Variants in RSPH10B2 observed in about 807,000 individuals in gnomAD.
RSPH10B2 encodes radial spoke head 10 homolog B2.
RSPH10B2 carries 9 observed loss-of-function variants against 49.0 expected under a neutral mutation model. That is an observed-to-expected ratio of 0.18 (90% CI 0.11 to 0.32). The LOEUF is 0.32. Ranked by LOEUF, RSPH10B2 falls within the 10% of genes least tolerant of loss-of-function variation. RSPH10B2 has a pLI of 1.00. For synonymous variants in RSPH10B2, 35 were observed against 210.2 expected, an observed-to-expected ratio of 0.17 and a Z score of 7.21; for missense variants, 95 against 589.9, an observed-to-expected ratio of 0.16 and a Z score of 8.69.
rs558825630 is a variant in RSPH10B2 at position 6,796,370 on chromosome 7, C to G, written c.2234-198C>G. Among the ~76,000 whole-genome samples the G allele has an allele frequency of 1.5e-3, 184 of 121,562 alleles. 28 individuals carry two copies. Among genetic ancestry groups the G allele is most frequent in the Non-Finnish European group, 2.5e-3 (144 of 56,510 alleles). The allele number at this position is 121,562 out of a possible 152,430, so 79.7% of individuals were successfully genotyped here. A position where few individuals can be genotyped will look rare whatever the true frequency, so the allele number is the denominator to read the frequency against. On this transcript the variant is annotated intron_variant, in intron 17 of 18. Transcript: ENST00000297186. ...GGTAGCAGGAAACTCAAAGGGAAGG[C>G]TGACAATCCCAGCCAGGGTCTGCTG...
intron 18 of RSPH10B2, among the ~76,000 whole-genome samples, chr7:6,797,501 T>C (rs1480406045): frequency 6.6e-6 from 1 of 152,198 alleles, no homozygotes; most frequent in East Asian, 1.9e-4. Flanking sequence ...GGAGAGGGGC[T>C]GGAGATTGAG....
intron 13 of RSPH10B2, among the ~76,000 whole-genome samples, chr7:6,784,917 G>T (rs1171189573): frequency 1.3e-5 from 1 of 78,640 alleles, no homozygotes; most frequent in Non-Finnish European, 2.3e-5. Context: ...AACCAGTGCC[G>T]TGTGGTCAGG....
rs568382375 is a variant in RSPH10B2 at position 6,764,681 on chromosome 7, G to A, written c.573+580G>A. ...CCTGGCCGTATGCATGCTTTAATAG[G>A]CTATTTATTGAGTTGTGTTGTTGTT... is the stretch of plus-strand genomic sequence containing the variant. On this transcript the variant is annotated intron_variant, in intron 4 of 18. Transcript: ENST00000297186. Among the ~76,000 whole-genome samples, 206 of 151,658 alleles carry A rather than the reference G, an allele frequency of 1.4e-3. 1 individual carries two copies. The highest frequency in any genetic ancestry group is 4.7e-3 in the African/African-American group (193 of 41,302).
intron 18 of RSPH10B2, among the ~76,000 whole-genome samples, chr7:6,797,538 A>C (rs1185514711): frequency 6.6e-6 from 1 of 152,226 alleles, no homozygotes; most frequent in Non-Finnish European, 1.5e-5. Context: ...CAGTGACTTA[A>C]TCAGGTCTAC....
chr7:6,770,792 C>G (rs1424330844), intron 7 of RSPH10B2, among the ~76,000 whole-genome samples: 1 of 152,166 alleles, frequency 6.6e-6, no homozygotes, highest in African/African-American at 2.4e-5. Flanking sequence ...GTAGTCCCAG[C>G]TACTCAGGAG....
At chr7:6,777,712 G>GC (rs1173943275) in intron 10 of RSPH10B2, among the ~76,000 whole-genome samples, 3 of 122,582 alleles carry the variant, frequency 2.4e-5, no homozygotes, top group East Asian at 2.3e-4. Flanking sequence ...GAAACCAACA[G>GC]CCCCCCACCG....
chr7:6,783,798 G>C (rs1376924275), intron 13 of RSPH10B2, among the ~76,000 whole-genome samples: 1 of 148,644 alleles, frequency 6.7e-6, no homozygotes, highest in Non-Finnish European at 1.5e-5. Context: ...TTTGTTTCAA[G>C]CATGTTTGCA....
upstream of RSPH10B2, among the ~76,000 whole-genome samples, chr7:6,756,185 G>T (rs1781078160): frequency 7.0e-6 from 1 of 142,902 alleles, no homozygotes; most frequent in Non-Finnish European, 1.5e-5. Context: ...CAGGAGAATG[G>T]CATGAACCCG....
At chr7:6,758,399 T>C (rs1371483215) in intron 1 of RSPH10B2, among the ~76,000 whole-genome samples, 1 of 147,986 alleles carries the variant, frequency 6.8e-6, no homozygotes, top group Non-Finnish European at 1.5e-5. Context: ...AGTAAGCCCA[T>C]CACCCAAATA....
intron 13 of RSPH10B2, among the ~76,000 whole-genome samples, chr7:6,783,398 TAC>T (rs1161536575): frequency 7.5e-6 from 1 of 133,704 alleles, no homozygotes; most frequent in African/African-American, 2.9e-5. Context: ...ATACTAATGA[TAC>T]AGTGTTTTTA....
At chr7:6,769,938 TGTTTG>T (rs1193809732) in intron 7 of RSPH10B2, among the ~76,000 whole-genome samples, 1 of 38,196 alleles carries the variant, frequency 2.6e-5, no homozygotes, top group Non-Finnish European at 5.1e-5. Context: ...ATTTAATCAG[TGTTTG>T]GTGTGTGTGT....
chr7:6,756,038 G>A (rs1176456908), upstream of RSPH10B2, among the ~76,000 whole-genome samples: 5 of 150,604 alleles, frequency 3.3e-5, no homozygotes, highest in African/African-American at 5.0e-5. Context: ...GGAGGCCAAG[G>A]CGGGCAGATC....
chr7:6,756,008 G>A (rs1368936649), upstream of RSPH10B2, among the ~76,000 whole-genome samples: 9 of 142,484 alleles, frequency 6.3e-5, no homozygotes, highest in East Asian at 2.1e-4. Context: ...GGTGACTCAC[G>A]CCTGTAATCC....
intron 14 of RSPH10B2, among the ~76,000 whole-genome samples, chr7:6,786,376 A>G (rs975639676): frequency 2.6e-5 from 3 of 116,784 alleles, no homozygotes; most frequent in African/African-American, 3.5e-5. Flanking sequence ...ATTTTTTTTT[A>G]GTAGAGACGG....
At chr7:6,780,604 T>C (rs1478656709) in intron 11 of RSPH10B2, among the ~76,000 whole-genome samples, 1 of 116,646 alleles carries the variant, frequency 8.6e-6, no homozygotes, top group East Asian at 2.7e-4. Context: ...AGGCTGGTCT[T>C]AAACTCCTGA....
chr7:6,785,411 C>G (rs1307173384), intron 13 of RSPH10B2, among the ~76,000 whole-genome samples: 1 of 152,306 alleles, frequency 6.6e-6, no homozygotes, highest in Non-Finnish European at 1.5e-5. Flanking sequence ...CGCCTGGGCT[C>G]AAGTGATCCT....
chr7:6,782,165 CAGCCTCCCTA>C (rs977655147), intron 13 of RSPH10B2, among the ~76,000 whole-genome samples: 202 of 135,844 alleles, frequency 1.5e-3, no homozygotes, highest in Non-Finnish European at 2.3e-3. Flanking sequence ...CCACCCGCCT[CAGCCTCCCTA>C]AGTGCCGGAA....
chr7:6,786,395 C>T (rs1390121725), intron 14 of RSPH10B2, among the ~76,000 whole-genome samples: 1 of 120,926 alleles, frequency 8.3e-6, no homozygotes, highest in Non-Finnish European at 1.7e-5. Flanking sequence ...GGAGTTTCAC[C>T]GTGTTAGCCA....
At chr7:6,797,546 T>C (rs1337069578) in intron 18 of RSPH10B2, among the ~76,000 whole-genome samples, 4 of 152,258 alleles carry the variant, frequency 2.6e-5, no homozygotes, top group Non-Finnish European at 5.9e-5. Flanking sequence ...TAATCAGGTC[T>C]ACATATTGGA....
Sources: allele counts gnomAD v4.1 joint callset (sites outside exome capture counted in the v4.1 genomes callset), GRCh38; gene constraint gnomAD v4.1.1; transcripts MANE v1.5; gene names NCBI Gene and HGNC (gene_info 2026-07-23, HGNC 2026-07-21).